Variants in MECOM observed in about 807,000 individuals in gnomAD.
MECOM encodes histone-lysine N-methyltransferase MECOM.
MECOM carries 13 observed loss-of-function variants against 116.3 expected under a neutral mutation model. The observed-to-expected ratio is 0.11, with a 90% confidence interval of 0.07 to 0.18. The LOEUF (loss-of-function observed/expected upper bound fraction) is 0.18. Among genes scored for constraint, MECOM ranks in the 10% least tolerant of loss-of-function variants. The probability of loss-of-function intolerance (pLI) is 1.00; values close to 1 mark genes in which losing one functional copy is unlikely to be tolerated. For synonymous variants in MECOM, 528 were observed against 535.2 expected (o/e 0.99, Z 0.19); for missense variants, 1,299 against 1,509.0 (o/e 0.86, Z 2.31).
intron 1 of MECOM, among the ~76,000 whole-genome samples, chr3:169,588,709 TCA>T (rs1297353152): frequency 1.3e-5 from 2 of 152,202 alleles, no homozygotes; most frequent in Non-Finnish European, 2.9e-5. Flanking sequence ...ATTTTAGAAC[TCA>T]CAGTTTCCAC....
At chr3:169,206,493 T>C (rs1749929222) in intron 2 of MECOM, among the ~76,000 whole-genome samples, 1 of 152,142 alleles carries the variant, frequency 6.6e-6, no homozygotes, top group African/African-American at 2.4e-5. Flanking sequence ...GGCTCATGCC[T>C]GTAATCCCAG....
intron 1 of MECOM, among the ~76,000 whole-genome samples, chr3:169,594,154 C>CAAAAAAAAAAAAAAAAAA (rs34331048): frequency 3.1e-4 from 14 of 45,706 alleles, no homozygotes; most frequent in Non-Finnish European, 4.5e-4. Context: ...ACCACCACCA[C>CAAAAAAAAAAAAAAAAAA]AAAAAAAAAA....
intron 2 of MECOM, among the ~76,000 whole-genome samples, chr3:169,366,025 A>G (rs889609416): frequency 6.6e-6 from 1 of 152,014 alleles, no homozygotes; most frequent in African/African-American, 2.4e-5. Flanking sequence ...TCAGCTCTAC[A>G]CTGCTGACTT....
chr3:169,538,780 G>A (rs1337579366), intron 1 of MECOM, among the ~76,000 whole-genome samples: 1 of 152,196 alleles, frequency 6.6e-6, no homozygotes, highest in Non-Finnish European at 1.5e-5. Flanking sequence ...GGTGAGTGCA[G>A]TGACATTAAT....
At chr3:169,584,333 G>A (rs13100665) in intron 1 of MECOM, among the ~76,000 whole-genome samples, 79,948 of 151,400 alleles carry the variant, frequency 0.53, 21,491 homozygotes, top group East Asian at 0.73. Context: ...TGGGAGGCCG[G>A]GGCGGGCGGA....
intron 2 of MECOM, among the ~76,000 whole-genome samples, chr3:169,249,427 A>T (rs1192685884): frequency 1.3e-5 from 2 of 152,182 alleles, no homozygotes; most frequent in Admixed American, 6.5e-5. Context: ...TTTGCCTAAG[A>T]TCTGCAAATC....
At chr3:169,295,085 G>A (rs1318519642) in intron 2 of MECOM, among the ~76,000 whole-genome samples, 1 of 152,094 alleles carries the variant, frequency 6.6e-6, no homozygotes, top group Non-Finnish European at 1.5e-5. Context: ...TTGAGATGGG[G>A]ATTTTCAAAC....
intron 1 of MECOM, among the ~76,000 whole-genome samples, chr3:169,614,176 A>C (rs1324189095): frequency 1.3e-5 from 2 of 149,998 alleles, no homozygotes; most frequent in East Asian, 3.9e-4. Context: ...CACAAACTAA[A>C]GCATGGGAAT....
chr3:169,300,815 C>T (rs984248658), intron 2 of MECOM, among the ~76,000 whole-genome samples: 5 of 152,180 alleles, frequency 3.3e-5, no homozygotes, highest in Non-Finnish European at 7.3e-5. Flanking sequence ...ACAGAGCTAA[C>T]CATTACCCCA....
chr3:169,132,031 T>A (rs757490303), intron 3 of MECOM: 293 of 932,970 alleles, frequency 3.1e-4, no homozygotes, highest in Non-Finnish European at 3.6e-4. Context: ...ACATAAAGGA[T>A]CATGACAACA....
At chr3:169,399,660 G>C (rs1263575445) in intron 1 of MECOM, among the ~76,000 whole-genome samples, 1 of 152,316 alleles carries the variant, frequency 6.6e-6, no homozygotes, top group East Asian at 1.9e-4. Flanking sequence ...ACACAAGCTA[G>C]ATTTCAAAGT....
At chr3:169,531,839 A>G (rs540665543) in intron 1 of MECOM, among the ~76,000 whole-genome samples, 17 of 152,324 alleles carry the variant, frequency 1.1e-4, no homozygotes, top group Non-Finnish European at 1.5e-4. Context: ...AACCAACTGG[A>G]TTCCCTTTTG....
At chr3:169,496,274 C>G (rs1753801779) in intron 1 of MECOM, among the ~76,000 whole-genome samples, 3 of 152,180 alleles carry the variant, frequency 2.0e-5, no homozygotes, top group South Asian at 2.1e-4. Flanking sequence ...TGAAGACAGA[C>G]AATACACCCG....
At chr3:169,456,615 G>A (rs372180070) in intron 1 of MECOM, among the ~76,000 whole-genome samples, 22 of 152,160 alleles carry the variant, frequency 1.4e-4, no homozygotes, top group African/African-American at 4.8e-4. Context: ...AACCCACCAC[G>A]GACCTGCTGA....
At chr3:169,404,990 C>A (rs1736465546) in intron 1 of MECOM, among the ~76,000 whole-genome samples, 1 of 152,130 alleles carries the variant, frequency 6.6e-6, no homozygotes, top group African/African-American at 2.4e-5. Flanking sequence ...ATTCATTGTT[C>A]CATGATATGA....
At chr3:169,586,801 G>GT in intron 1 of MECOM, among the ~76,000 whole-genome samples, 1 of 152,220 alleles carries the variant, frequency 6.6e-6, no homozygotes, top group Non-Finnish European at 1.5e-5. Context: ...AAATTATTCA[G>GT]TTTGGTCAGT....
chr3:169,207,876 G>T (rs1188023356), intron 2 of MECOM, among the ~76,000 whole-genome samples: 2 of 152,096 alleles, frequency 1.3e-5, no homozygotes, highest in East Asian at 3.8e-4. Flanking sequence ...AGCAGCTCTT[G>T]TTCCCCCACC....
At chr3:169,454,828 T>A (rs1292615027) in intron 1 of MECOM, among the ~76,000 whole-genome samples, 1 of 152,160 alleles carries the variant, frequency 6.6e-6, no homozygotes, top group Non-Finnish European at 1.5e-5. Context: ...CAAATAATAA[T>A]AAGTCCCATA....
chr3:169,486,689 T>C (rs1226783189), intron 1 of MECOM, among the ~76,000 whole-genome samples: 1 of 152,086 alleles, frequency 6.6e-6, no homozygotes, highest in Non-Finnish European at 1.5e-5. Flanking sequence ...GAATAGAGAA[T>C]GAGGAATATG....
Sources: allele counts gnomAD v4.1 joint callset (sites outside exome capture counted in the v4.1 genomes callset), GRCh38; gene constraint gnomAD v4.1.1; transcripts MANE v1.5; gene names NCBI Gene and HGNC (gene_info 2026-07-23, HGNC 2026-07-21).